Variants in DGKB observed in about 807,000 individuals in gnomAD.
DGKB encodes the protein diacylglycerol kinase beta, also known as 90 kDa diacylglycerol kinase.
DGKB carries 67 observed loss-of-function variants against 114.3 expected under a neutral mutation model. The ratio of observed to expected loss-of-function variants is 0.59; its 90% CI spans 0.48 to 0.72. DGKB has a LOEUF of 0.72. Among genes scored for constraint, DGKB ranks in the 30% least tolerant of loss-of-function variants. The pLI is 0.00. For synonymous variants in DGKB, 398 were observed against 323.1 expected (o/e 1.23, Z -2.49); for missense variants, 907 against 975.2 (o/e 0.93, Z 0.93).
At chr7:14,195,160 C>CTT (rs1197588126) in intron 23 of DGKB, among the ~76,000 whole-genome samples, 4 of 152,090 alleles carry the variant, frequency 2.6e-5, no homozygotes, top group Non-Finnish European at 5.9e-5. Flanking sequence ...TCTCGTTAAG[C>CTT]TTTGTGAAGG....
intron 2 of DGKB, among the ~76,000 whole-genome samples, chr7:14,831,707 G>A (rs1300978293): frequency 6.6e-6 from 1 of 152,052 alleles, no homozygotes; most frequent in Admixed American, 6.6e-5. Flanking sequence ...CCGAGGATCT[G>A]CAGCAGGCTA....
chr7:14,849,958 T>C (rs570455834), intron 1 of DGKB, among the ~76,000 whole-genome samples: 1 of 152,288 alleles, frequency 6.6e-6, no homozygotes, highest in African/African-American at 2.4e-5. Context: ...GACGAGTTCT[T>C]ATATTTAGAG....
chr7:14,632,084 A>G (rs2128850588), intron 13 of DGKB, among the ~76,000 whole-genome samples: 1 of 152,124 alleles, frequency 6.6e-6, no homozygotes, highest in South Asian at 2.1e-4. Flanking sequence ...TGGCTGTCTA[A>G]ATGGTTCAGA....
At chr7:14,223,927 TTTTTTCCAGGTC>T (rs1186221556) in intron 23 of DGKB, among the ~76,000 whole-genome samples, 1 of 151,792 alleles carries the variant, frequency 6.6e-6, no homozygotes, top group Non-Finnish European at 1.5e-5. Flanking sequence ...GTTTCTAAAT[TTTTTTCCAGGTC>T]TTTTTCCAGG....
chr7:14,381,848 A>G (rs1351087584), intron 21 of DGKB, among the ~76,000 whole-genome samples: 1 of 152,012 alleles, frequency 6.6e-6, no homozygotes, highest in African/African-American at 2.4e-5. Context: ...CCAGAGGAAT[A>G]GTAATGATAT....
intron 4 of DGKB, among the ~76,000 whole-genome samples, chr7:14,748,718 T>C (rs1220257597): frequency 1.3e-5 from 2 of 152,224 alleles, no homozygotes; most frequent in Non-Finnish European, 1.5e-5. Flanking sequence ...ATCTGACTCA[T>C]ATTTTAACAG....
rs62445652 is a variant in DGKB, at chr7:14,648,926, G to C, written c.1135-18658C>G. Among the ~76,000 whole-genome samples, 1,175 of 118,834 alleles carry C rather than the reference G, an allele frequency of 9.9e-3. 26 individuals carry two copies. Among genetic ancestry groups the C allele is most frequent in the African/African-American group, 0.035 (1,108 of 31,398 alleles). 78.0% of individuals were successfully genotyped at this position (118,834 alleles called of 152,430 possible). A position where few individuals can be genotyped will look rare whatever the true frequency, so the allele number is the denominator to read the frequency against. ...GAAGATGAAATGAATGAAATGAAGC[G>C]AGAAGGGAAGTTTAGAGAAAAAAGA... On this transcript the variant is annotated intron_variant, in intron 13 of 25. Transcript: ENST00000402815.
intron 21 of DGKB, among the ~76,000 whole-genome samples, chr7:14,359,787 T>C (rs1234954148): frequency 1.3e-5 from 2 of 152,018 alleles, no homozygotes; most frequent in African/African-American, 4.8e-5. Flanking sequence ...ACTGTTAGAA[T>C]AGTGATCATT....
chr7:14,438,923 G>C (rs1220848740), intron 21 of DGKB, among the ~76,000 whole-genome samples: 1 of 147,164 alleles, frequency 6.8e-6, no homozygotes, highest in African/African-American at 2.6e-5. Flanking sequence ...AAATTTCTAA[G>C]ACTTTTTTTT....
chr7:14,239,860 C>A (rs1167267993), intron 23 of DGKB, among the ~76,000 whole-genome samples: 1 of 151,978 alleles, frequency 6.6e-6, no homozygotes, highest in Non-Finnish European at 1.5e-5. Flanking sequence ...CTCTATCTAT[C>A]TATTATCAAG....
chr7:14,650,804 A>C (rs962802462), intron 13 of DGKB, among the ~76,000 whole-genome samples: 9 of 147,556 alleles, frequency 6.1e-5, no homozygotes, highest in African/African-American at 2.3e-4. Context: ...ATAAAAAATG[A>C]TAAAGGGGAT....
intron 14 of DGKB, among the ~76,000 whole-genome samples, chr7:14,629,654 C>CA (rs1809322570): frequency 6.6e-6 from 1 of 151,852 alleles, no homozygotes; most frequent in Non-Finnish European, 1.5e-5. Flanking sequence ...AAAGGTAAAG[C>CA]AAAAATGTTA....
chr7:14,332,698 A>G (rs1178811950), intron 23 of DGKB, among the ~76,000 whole-genome samples: 2 of 152,198 alleles, frequency 1.3e-5, no homozygotes, highest in Non-Finnish European at 2.9e-5. Context: ...AAACCATTAA[A>G]CTTTTAAAAC....
chr7:14,223,749 A>G (rs2128327331), intron 23 of DGKB, among the ~76,000 whole-genome samples: 1 of 151,776 alleles, frequency 6.6e-6, no homozygotes, highest in Middle Eastern at 3.4e-3. Flanking sequence ...GCTTTCATTT[A>G]TGAGAGACTT....
rs188377426 is a variant in DGKB at position 14,250,331 on chromosome 7, G to A, written c.2123-72180C>T. On this transcript the variant is annotated intron_variant, in intron 23 of 25. Coordinates refer to ENST00000402815, the MANE Select transcript of DGKB (RefSeq NM_001350709.2). ...TAGAACTGCTTTTGCCGTATCACAT[G>A]GGTTTCAGTAGGTTTTGTTTCCATT... Among the ~76,000 whole-genome samples the A allele has an allele frequency of 2.4e-3, 360 of 151,774 alleles. 2 individuals are homozygous for A. The highest frequency in any genetic ancestry group is 8.3e-3 in the African/African-American group (343 of 41,412).
At chr7:14,834,494 C>T (rs1373903289) in intron 2 of DGKB, among the ~76,000 whole-genome samples, 3 of 152,068 alleles carry the variant, frequency 2.0e-5, no homozygotes, top group Non-Finnish European at 4.4e-5. Flanking sequence ...GTATCACTTG[C>T]AGGGAGAAGG....
chr7:14,408,236 G>T (rs1824268719), intron 21 of DGKB, among the ~76,000 whole-genome samples: 1 of 152,056 alleles, frequency 6.6e-6, no homozygotes, highest in African/African-American at 2.4e-5. Flanking sequence ...GGATTTTATA[G>T]AACTTGTCAT....
intron 21 of DGKB, among the ~76,000 whole-genome samples, chr7:14,429,381 G>A (rs1828077433): frequency 6.6e-6 from 1 of 152,068 alleles, no homozygotes; most frequent in African/African-American, 2.4e-5. Flanking sequence ...TAGAAAAAGG[G>A]TCCTCACCAG....
chr7:14,804,070 G>GGTGTGTGTGTGTGT (rs34964846), intron 2 of DGKB, among the ~76,000 whole-genome samples: 3 of 146,508 alleles, frequency 2.0e-5, no homozygotes, highest in Non-Finnish European at 4.6e-5. Context: ...TCACTTTTTG[G>GGTGTGTGTGTGTGT]GTGTGTGTGT....
Sources: allele counts gnomAD v4.1 joint callset (sites outside exome capture counted in the v4.1 genomes callset), GRCh38; gene constraint gnomAD v4.1.1; transcripts MANE v1.5; gene names NCBI Gene and HGNC (gene_info 2026-07-23, HGNC 2026-07-21).